Variants in MKLN1 observed in about 807,000 individuals in gnomAD.
MKLN1 encodes muskelin.
In MKLN1, 18 loss-of-function variants were observed where a neutral mutation model predicts 99.0. That is an observed-to-expected ratio of 0.18 (90% CI 0.13 to 0.27). MKLN1 has a LOEUF of 0.27. Among genes scored for constraint, MKLN1 ranks in the 10% least tolerant of loss-of-function variants. The pLI, the probability that MKLN1 is intolerant of heterozygous loss-of-function variation, is 1.00. For missense variants in MKLN1, 621 were observed against 875.9 expected (o/e 0.71, Z 3.67); for synonymous variants, 288 against 293.2 (o/e 0.98, Z 0.18).
intron 3 of MKLN1, among the ~76,000 whole-genome samples, chr7:131,208,888 T>A (rs1796857643): frequency 6.6e-6 from 1 of 152,132 alleles, no homozygotes; most frequent in Non-Finnish European, 1.5e-5. Flanking sequence ...TGTTAGACTG[T>A]GAAAGGTTAG....
intron 3 of MKLN1, among the ~76,000 whole-genome samples, chr7:131,233,362 C>T (rs1375238551): frequency 1.5e-5 from 2 of 130,570 alleles, no homozygotes; most frequent in Admixed American, 1.6e-4. Flanking sequence ...AGAAGGAGAC[C>T]CTGTCTCCAA....
At chr7:131,337,661 A>T (rs954118681) in intron 1 of MKLN1, among the ~76,000 whole-genome samples, 1 of 151,686 alleles carries the variant, frequency 6.6e-6, no homozygotes, top group Non-Finnish European at 1.5e-5. Context: ...TATCTGTATC[A>T]CCTATAGGCC....
chr7:131,291,598 AT>A (rs772911074), intron 3 of MKLN1, among the ~76,000 whole-genome samples: 11 of 147,164 alleles, frequency 7.5e-5, no homozygotes, highest in South Asian at 2.1e-4. Context: ...ATATATATAT[AT>A]ATAATACAGC....
At chr7:131,404,640 T>C (rs1794646882) in intron 6 of MKLN1, among the ~76,000 whole-genome samples, 1 of 152,106 alleles carries the variant, frequency 6.6e-6, no homozygotes. Flanking sequence ...GGTCTCTCTC[T>C]GTTGCCCAGG....
At chr7:131,183,903 C>G (rs566471576) in intron 2 of MKLN1, among the ~76,000 whole-genome samples, 10 of 152,040 alleles carry the variant, frequency 6.6e-5, no homozygotes, top group South Asian at 2.1e-4. Flanking sequence ...TTGTGGGAAC[C>G]AGTCCTGGCC....
At chr7:131,364,400 C>T (rs754524997) in intron 1 of MKLN1, among the ~76,000 whole-genome samples, 1 of 151,594 alleles carries the variant, frequency 6.6e-6, no homozygotes, top group South Asian at 2.1e-4. Context: ...CAAGTTTTTA[C>T]CAAACTGATT....
intron 1 of MKLN1, among the ~76,000 whole-genome samples, chr7:131,133,714 TG>T (rs1361492861): frequency 8.7e-5 from 13 of 150,168 alleles, no homozygotes; most frequent in Admixed American, 8.0e-4. Context: ...TCTCAAACCC[TG>T]GGCTCCAGTG....
intron 1 of MKLN1, among the ~76,000 whole-genome samples, chr7:131,350,719 G>A (rs1372270490): frequency 6.6e-6 from 1 of 152,314 alleles, no homozygotes; most frequent in East Asian, 1.9e-4. Flanking sequence ...GTTTTATGTA[G>A]CCTAGGCCCT....
intron 3 of MKLN1, among the ~76,000 whole-genome samples, chr7:131,300,450 G>A (rs372469863): frequency 4.6e-5 from 7 of 151,526 alleles, no homozygotes; most frequent in East Asian, 3.9e-4. Context: ...GGAGGCCGAG[G>A]CAGGTGGATC....
intron 16 of MKLN1, among the ~76,000 whole-genome samples, chr7:131,473,243 G>T (rs771818535): frequency 1.7e-4 from 26 of 152,012 alleles, no homozygotes; most frequent in Middle Eastern, 3.4e-3. Flanking sequence ...ATTGAGAAGG[G>T]GCTTACTGTT....
At chr7:131,259,637 A>C (rs915803486) in intron 3 of MKLN1, among the ~76,000 whole-genome samples, 1 of 152,208 alleles carries the variant, frequency 6.6e-6, no homozygotes, top group African/African-American at 2.4e-5. Flanking sequence ...ATCTACATTA[A>C]AAATTTCCCC....
intron 2 of MKLN1, among the ~76,000 whole-genome samples, chr7:131,168,066 G>A (rs1195595538): frequency 1.3e-5 from 2 of 152,092 alleles, no homozygotes; most frequent in African/African-American, 2.4e-5. Context: ...TCAGTTTTCT[G>A]TATTTAGGTT....
intron 3 of MKLN1, among the ~76,000 whole-genome samples, chr7:131,254,952 C>T (rs1797636953): frequency 6.6e-6 from 1 of 151,734 alleles, no homozygotes; most frequent in Non-Finnish European, 1.5e-5. Flanking sequence ...AGCGCAGTGG[C>T]ACAGTCATGG....
chr7:131,487,203 C>T lies in MKLN1; in HGVS notation c.2087-404C>T, dbSNP rs1020537619. Among the ~76,000 whole-genome samples the T allele has an allele frequency of 4.6e-5, 7 of 152,014 alleles. No individual in the cohort carries two copies. Among genetic ancestry groups the T allele is most frequent in the Admixed American group, 1.3e-4 (2 of 15,250 alleles). On this transcript the variant is annotated intron_variant, in intron 17 of 17. Coordinates refer to ENST00000352689, the MANE Select transcript of MKLN1 (RefSeq NM_013255.5). The surrounding 1 kb of genome is among the most constrained non-coding windows in gnomAD (Gnocchi z 4.7). ...TTTTTTAGTGGTTCAGAAGCATTAA[C>T]AAGTCAGAAAAGACAAGTGGAATTT...
intron 2 of MKLN1, among the ~76,000 whole-genome samples, chr7:131,151,080 A>G (rs1795882423): frequency 1.3e-5 from 2 of 152,200 alleles, no homozygotes; most frequent in African/African-American, 4.8e-5. Flanking sequence ...AATATCCGTT[A>G]ACTATATTTT....
chr7:131,359,016 A>AT (rs1799955217), intron 1 of MKLN1, among the ~76,000 whole-genome samples: 1 of 151,300 alleles, frequency 6.6e-6, no homozygotes. Flanking sequence ...AGTTTCATTG[A>AT]TTTTTGCCCT....
At chr7:131,429,217 T>G in intron 9 of MKLN1, 72 bp downstream of exon 9, 1 of 1,022,232 alleles carries the variant, frequency 9.8e-7, no homozygotes, top group Non-Finnish European at 1.5e-6. Flanking sequence ...TTCGGCATGA[T>G]TATATTCTTC....
intron 1 of MKLN1, among the ~76,000 whole-genome samples, chr7:131,351,894 A>G (rs946428403): frequency 5.9e-5 from 9 of 152,218 alleles, no homozygotes. Context: ...TTTCAGTAGA[A>G]GTATCAAAAT....
intron 8 of MKLN1, among the ~76,000 whole-genome samples, chr7:131,422,659 G>T (rs938558478): frequency 2.0e-5 from 3 of 151,788 alleles, no homozygotes; most frequent in Non-Finnish European, 4.4e-5. Flanking sequence ...GTTGCTTCCC[G>T]GTGTCTCATA....
Sources: gnomAD v4.1 joint callset for allele counts (sites outside exome capture counted in the v4.1 genomes callset) on GRCh38, gnomAD v4.1.1 for gene constraint, Gnocchi (gnomAD v3.1) non-coding constraint, MANE v1.5 for transcripts, NCBI Gene and HGNC (gene_info 2026-07-23, HGNC 2026-07-21) for gene names.